IQCK: variants seen among roughly 807,000 people sequenced by gnomAD.
IQCK encodes IQ domain-containing protein K.
In IQCK, 29 loss-of-function variants were observed where a neutral mutation model predicts 28.1. The ratio of observed to expected loss-of-function variants is 1.03; its 90% CI spans 0.77 to 1.41. IQCK has a LOEUF of 1.41. Among genes scored for constraint, IQCK ranks in the 40% most tolerant of loss-of-function variants. The pLI, the probability that IQCK is intolerant of heterozygous loss-of-function variation, is 0.00. For missense variants in IQCK, 359 were observed against 314.7 expected, an observed-to-expected ratio of 1.14 and a Z score of -1.07; for synonymous variants, 113 against 115.1, an observed-to-expected ratio of 0.98 and a Z score of 0.12.
At chr16:19,735,429 G>A (rs748005673) in exon 4 of IQCK, 19 of 1,613,104 alleles carry the variant, frequency 1.2e-5, no homozygotes, top group Admixed American at 1.7e-5. Flanking sequence ...TTCACCAAGC[G>A]AAGAAAGAAA....
exon 3 of IQCK, chr16:19,733,702 C>A (rs781672599): frequency 6.2e-7 from 1 of 1,613,846 alleles, no homozygotes; most frequent in Non-Finnish European, 8.5e-7. Context: ...CTCCAGGTTG[C>A]GCCAGTAGAG....
chr16:19,745,705 T>A (rs184487340), intron 4 of IQCK, among the ~76,000 whole-genome samples: 19 of 152,346 alleles, frequency 1.2e-4, no homozygotes, highest in African/African-American at 4.3e-4. Context: ...GATTTATTAT[T>A]TTTCATGACT....
chr16:19,758,588 T>A (rs2055087499), intron 4 of IQCK, among the ~76,000 whole-genome samples: 1 of 151,938 alleles, frequency 6.6e-6, no homozygotes, highest in South Asian at 2.1e-4. Context: ...TTGTTTAAAT[T>A]ATTATACGGC....
At chr16:19,767,214 G>A (rs1027814899) in intron 6 of IQCK, among the ~76,000 whole-genome samples, 1 of 152,140 alleles carries the variant, frequency 6.6e-6, no homozygotes, top group African/African-American at 2.4e-5. Context: ...ATGTTACCAG[G>A]TGCTCTCTTA....
intron 6 of IQCK, among the ~76,000 whole-genome samples, chr16:19,779,858 C>A (rs1179586964): frequency 2.7e-5 from 4 of 146,810 alleles, no homozygotes; most frequent in Non-Finnish European, 6.0e-5. Context: ...GCTGGGACTA[C>A]AGGCACCTGC....
At chr16:19,732,765 AT>A (rs1461953545) in intron 2 of IQCK, among the ~76,000 whole-genome samples, 1 of 152,004 alleles carries the variant, frequency 6.6e-6, no homozygotes, top group East Asian at 1.9e-4. Flanking sequence ...ACCCAGCACA[AT>A]TTTTTTTCTT....
intron 9 of IQCK, among the ~76,000 whole-genome samples, chr16:19,851,824 C>T (rs2056487292): frequency 6.6e-6 from 1 of 152,164 alleles, no homozygotes; most frequent in South Asian, 2.1e-4. Context: ...TCTACAGCAT[C>T]CTGGCTTACT....
chr16:19,782,114 T>C (rs1341636177), intron 6 of IQCK, among the ~76,000 whole-genome samples: 2 of 152,200 alleles, frequency 1.3e-5, no homozygotes, highest in Non-Finnish European at 1.5e-5. Flanking sequence ...CAAATACTGG[T>C]GTATTGCAAA....
At chr16:19,841,576 T>C (rs947394192) in intron 9 of IQCK, among the ~76,000 whole-genome samples, 1 of 152,118 alleles carries the variant, frequency 6.6e-6, no homozygotes, top group African/African-American at 2.4e-5. Flanking sequence ...ATTAACACTC[T>C]CCCTGAAAAC....
chr16:19,776,720 A>C (rs768296977), intron 6 of IQCK, among the ~76,000 whole-genome samples: 1 of 152,096 alleles, frequency 6.6e-6, no homozygotes, highest in African/African-American at 2.4e-5. Context: ...AAAACAAACA[A>C]ACAGACAAAC....
At chr16:19,725,216 A>T (rs1977618142) in intron 1 of IQCK, among the ~76,000 whole-genome samples, 1 of 151,986 alleles carries the variant, frequency 6.6e-6, no homozygotes, top group Non-Finnish European at 1.5e-5. Context: ...TTTAATTTTT[A>T]TTTTTTTGAG....
At chr16:19,724,616 C>G (rs1977597695) in intron 1 of IQCK, among the ~76,000 whole-genome samples, 1 of 152,076 alleles carries the variant, frequency 6.6e-6, no homozygotes, top group South Asian at 2.1e-4. Flanking sequence ...GCAAGCTCCG[C>G]CTCCTGGATT....
intron 6 of IQCK, among the ~76,000 whole-genome samples, chr16:19,775,790 G>T (rs1244178445): frequency 7.0e-6 from 1 of 143,648 alleles, no homozygotes; most frequent in African/African-American, 2.6e-5. Flanking sequence ...CTTCAAGCCA[G>T]TTGCGGGGGA....
intron 6 of IQCK, among the ~76,000 whole-genome samples, chr16:19,775,866 CTTTTTTTTTTTTTTTTTT>C (rs570530152): frequency 1.2e-3 from 46 of 37,728 alleles, no homozygotes; most frequent in East Asian, 8.5e-3. Flanking sequence ...TGGGCACAGG[CTTTTTTTTTTTTTTTTTT>C]TTTTTTTTTT....
At chr16:19,763,816 A>G (rs1451170619) in intron 4 of IQCK, 32 bp from the exon 5 acceptor site, 7 of 1,527,400 alleles carry the variant, frequency 4.6e-6, no homozygotes, top group African/African-American at 1.4e-5. Context: ...TTTAAGGGTC[A>G]GTTGTAATTT....
At chr16:19,751,548 G>T (rs1197458104) in intron 4 of IQCK, among the ~76,000 whole-genome samples, 1 of 152,116 alleles carries the variant, frequency 6.6e-6, no homozygotes, top group African/African-American at 2.4e-5. Flanking sequence ...GTGAGCAAGT[G>T]CAAAGCCAGA....
At chr16:19,741,839 T>G (rs1287938540) in intron 4 of IQCK, among the ~76,000 whole-genome samples, 1 of 151,840 alleles carries the variant, frequency 6.6e-6, no homozygotes, top group African/African-American at 2.4e-5. Flanking sequence ...ATACCAAAAT[T>G]AGCCAGGTGT....
chr16:19,779,692 A>G (rs2055448195), intron 6 of IQCK, among the ~76,000 whole-genome samples: 1 of 150,708 alleles, frequency 6.6e-6, no homozygotes, highest in Admixed American at 6.6e-5. Context: ...TATTTTTTTA[A>G]TTTTTACTTA....
chr16:19,798,584 A>G (rs570274996), intron 7 of IQCK, among the ~76,000 whole-genome samples: 1 of 47,210 alleles, frequency 2.1e-5, no homozygotes, highest in Non-Finnish European at 3.0e-5. Flanking sequence ...AGCCATTTCA[A>G]TTTGTCCCAG....
Sources: allele counts gnomAD v4.1 joint callset (sites outside exome capture counted in the v4.1 genomes callset), GRCh38; gene constraint gnomAD v4.1.1; transcripts MANE v1.5; gene names NCBI Gene and HGNC (gene_info 2026-07-23, HGNC 2026-07-21).